Variants in DSP observed in about 807,000 individuals in gnomAD.
DSP encodes 250/210 kDa paraneoplastic pemphigus antigen.
A neutral mutation model predicts 290.6 loss-of-function variants in DSP; 114 were observed. The observed-to-expected ratio is 0.39, with a 90% confidence interval of 0.34 to 0.46. The LOEUF (loss-of-function observed/expected upper bound fraction) is 0.46, where lower values mean the gene tolerates loss of function less well. Among genes scored for constraint, DSP ranks in the 20% least tolerant of loss-of-function variants. The pLI is 0.99. For synonymous variants in DSP, 1,311 were observed against 1,316.4 expected, an observed-to-expected ratio of 1.00 and a Z score of 0.09; for missense variants, 3,230 against 3,495.8, an observed-to-expected ratio of 0.92 and a Z score of 1.92.
At position 7,562,740 on chromosome 6, in the gene DSP, G is replaced by A. The variant is rs546805348; in HGVS notation, c.686G>A (p.Gly229Asp). 4 of 1,614,140 alleles carry A rather than the reference G, an allele frequency of 2.5e-6. No individual in the cohort carries two copies. The African/African-American group carries it at 5.3e-5, about 22-fold the overall frequency. The change falls in exon 5 of 24, where the codon GGC becomes GAC. Residue 229 changes from glycine to aspartate, a missense_variant. By Grantham distance (94) the Gly-to-Asp change is moderately conservative. Transcript: ENST00000379802. ...NSHRGIHNSIGDYRWQLDKIK... is the reference protein window; with the variant it reads ...NSHRGIHNSIDDYRWQLDKIK... ...CACCGGGGCATCCACAACTCCATCG[G>A]CGACTATCGCTGGCAGCTGGACAAA...
rs1468028182 is a variant in DSP, at chr6:7,567,792, G to A, written c.1152G>A (p.Glu384=). 6.2e-7 allele frequency: 1 copy of A among 1,613,986 alleles called. No individual in the cohort carries two copies. The highest frequency in any genetic ancestry group is 1.7e-5 in the Admixed American group (1 of 60,022). Residue 384 remains glutamate, a synonymous_variant, in exon 10 of 24, where the codon GAG becomes GAA. Transcript: ENST00000379802. ...CTCATCCTTCACAGTTTTTTGAAGA[G>A]GCGCAGTCTACTGAAGCATACCTGA... ...ENAAYFQFFE[E]AQSTEAYLKG... is the part of the protein sequence containing the mutation.
intron 1 of DSP, 83 bp downstream of exon 1, chr6:7,542,168 G>A: frequency 6.6e-7 from 1 of 1,514,510 alleles, no homozygotes. Flanking sequence ...TGGGAGACTC[G>A]GGTCCCGAAG....
chr6:7,558,011 C>G lies in DSP; in HGVS notation c.274-105C>G, dbSNP rs556332465. 12 of 1,380,488 alleles carry G rather than the reference C, an allele frequency of 8.7e-6. 1 individual carries two copies. In the South Asian group the frequency reaches 1.4e-4, roughly 16 times the overall value. The allele number at this position is 1,380,488 out of a possible 1,614,324, so 85.5% of individuals were successfully genotyped here. On this transcript the variant is annotated intron_variant, in intron 2 of 23. Coordinates refer to ENST00000379802, the MANE Select transcript of DSP (RefSeq NM_004415.4). ...AGATCATTTTCACTGGCGAAACTTA[C>G]AGTTTTTGTCATGTTTACAGTGGAA...
At chr6:7,552,154 T>C (rs555024398) in intron 1 of DSP, among the ~76,000 whole-genome samples, 1 of 152,346 alleles carries the variant, frequency 6.6e-6, no homozygotes, top group African/African-American at 2.4e-5. Context: ...CTTTTTATTT[T>C]TTCAACCCTT....
intron 2 of DSP, among the ~76,000 whole-genome samples, chr6:7,556,913 TACAC>T (rs140288085): frequency 1.3e-5 from 2 of 152,056 alleles, no homozygotes; most frequent in African/African-American, 4.8e-5. Flanking sequence ...ATAGTGAACA[TACAC>T]ACACACACGT....
Position 7,575,465 on chromosome 6 carries a change from G to C in DSP, c.2607G>C (p.Arg869Ser), listed in dbSNP as rs762528339. 6.8e-6 allele frequency: 11 copies of C among 1,614,172 alleles called. No homozygotes were observed. The highest frequency in any genetic ancestry group is 9.3e-6 in the Non-Finnish European group (11 of 1,180,022). ...KVTQLTDRWQRIDKQIDFRLW... is the reference protein window; with the variant it reads ...KVTQLTDRWQSIDKQIDFRLW... ...CACAGCTGACAGACCGCTGGCAAAG[G>C]ATAGATAAACAGATCGACTTTAGGT... The change falls in exon 18 of 24, where the codon AGG becomes AGC. Residue 869 changes from arginine to serine, a missense_variant. Physicochemically the swap from Arg to Ser is moderately radical, Grantham distance 110 (BLOSUM62 -1). Coordinates refer to ENST00000379802, the MANE Select transcript of DSP (RefSeq NM_004415.4).
Position 7,583,827 on chromosome 6 carries a change from C to T in DSP, c.6565C>T (p.Arg2189Trp), listed in dbSNP as rs767661570. 3.9e-5 allele frequency: 63 copies of T among 1,613,958 alleles called. No individual in the cohort carries two copies. The highest frequency in any genetic ancestry group is 4.5e-5 in the Non-Finnish European group (53 of 1,180,014). ...KKVSYVQLKE[R>W]CRIEPHTGLL... The stretch of plus-strand genomic sequence containing the variant: ...GGTCAGTTACGTGCAGCTGAAGGAA[C>T]GGTGCAGAATCGAACCACATACTGG... The change falls in exon 24 of 24, where the codon CGG becomes TGG. Residue 2189 changes from arginine to tryptophan, a missense_variant. Arg to Trp is a moderately radical substitution (Grantham distance 101). Transcript: ENST00000379802. This position sits in a 1 kb window ranked among gnomAD's most constrained non-coding sequence, Gnocchi z 4.0.
chr6:7,548,934 A>G (rs1047730671), intron 1 of DSP, among the ~76,000 whole-genome samples: 1 of 152,182 alleles, frequency 6.6e-6, no homozygotes. Context: ...TTATGTTGTT[A>G]GGTTAAGTGT....
chr6:7,585,703 C>T lies in DSP; in HGVS notation c.8441C>T (p.Pro2814Leu), dbSNP rs756310918. 6.2e-7 allele frequency: 1 copy of T among 1,613,964 alleles called. No individual in the cohort carries two copies. Among genetic ancestry groups the T allele is most frequent in the Non-Finnish European group, 8.5e-7 (1 of 1,179,932 alleles). ...EAASVSSKGL[P>L]SPYNMSSAPG... ...GCCTCCGTGTCGTCCAAGGGCTTAC[C>T]CAGCCCTTACAACATGTCTTCGGCT... Residue 2814 changes from proline to leucine, a missense_variant, in exon 24 of 24, where the codon CCC becomes CTC. Physicochemically the swap from Pro to Leu is moderately conservative, Grantham distance 98 (BLOSUM62 -3). Transcript: ENST00000379802.
rs1445891314 is a variant in DSP at position 7,585,948 on chromosome 6, A to G, written c.*70A>G. The G allele has an allele frequency of 1.3e-6, 2 of 1,492,162 alleles. No individual in the cohort carries two copies. The highest frequency in any genetic ancestry group is 2.8e-5 in the African/African-American group (2 of 72,402). 92.4% of individuals were successfully genotyped at this position (1,492,162 alleles called of 1,614,324 possible). On this transcript the variant is annotated 3_prime_UTR_variant, in exon 24 of 24. Coordinates refer to ENST00000379802, the MANE Select transcript of DSP (RefSeq NM_004415.4). ...AATTTCCACTTTATTAAATAATAGA[A>G]AAGAAAATCCCGGTGCTTGCAGTAG...
At chr6:7,555,921 T>C (rs1758495513) in intron 2 of DSP, 101 bp downstream of exon 2, 5 of 988,994 alleles carry the variant, frequency 5.1e-6, no homozygotes. Flanking sequence ...CTGACCTCTT[T>C]CACGTAGTGT....
chr6:7,580,181 A>G lies in DSP; in HGVS notation c.3991A>G (p.Lys1331Glu). 1 of 1,614,112 alleles carries G rather than the reference A, an allele frequency of 6.2e-7. No individual in the cohort carries two copies. Among genetic ancestry groups the G allele is most frequent in the Non-Finnish European group, 8.5e-7 (1 of 1,180,008 alleles). The change falls in exon 23 of 24, where the codon AAA becomes GAA. Residue 1331 changes from lysine to glutamate, a missense_variant. Transcript: ENST00000379802. The surrounding 1 kb of genome is among the most constrained non-coding windows in gnomAD (Gnocchi z 4.2). ...CAAAAATAAGGAGATCGAGAGACTC[A>G]AAGCTGAGTTTCAGGAGGAGGCCAA... ...QDKNKEIERL[K>E]AEFQEEAKRR...
chr6:7,543,353 C>CATTT (rs1260787758), intron 1 of DSP, among the ~76,000 whole-genome samples: 2 of 140,902 alleles, frequency 1.4e-5, no homozygotes, highest in African/African-American at 2.6e-5. Context: ...TGCTTAGATT[C>CATTT]ATTTATTTAT....
chr6:7,573,960 T>G (rs891494615), intron 15 of DSP, 126 bp from the exon 16 acceptor site: 44 of 1,041,800 alleles, frequency 4.2e-5, no homozygotes, highest in Non-Finnish European at 5.7e-5. Context: ...ATGTGTTAAT[T>G]TACTTACCTG....
intron 1 of DSP, among the ~76,000 whole-genome samples, chr6:7,543,353 C>T (rs1486208908): frequency 7.1e-6 from 1 of 140,900 alleles, no homozygotes; most frequent in Non-Finnish European, 1.5e-5. Context: ...TGCTTAGATT[C>T]ATTTATTTAT....
intron 4 of DSP, among the ~76,000 whole-genome samples, chr6:7,561,056 A>G (rs1024895838): frequency 1.3e-5 from 2 of 151,850 alleles, no homozygotes; most frequent in Non-Finnish European, 1.5e-5. Flanking sequence ...GGTTCAAGCA[A>G]TTCTCCTGCT....
rs200020510 is a variant in DSP at position 7,586,054 on chromosome 6, T to C, written c.*176T>C. On this transcript the variant is annotated 3_prime_UTR_variant, in exon 24 of 24. Coordinates refer to ENST00000379802, the MANE Select transcript of DSP (RefSeq NM_004415.4). ...TAAAGGCTGTTCTGGCTTTTTATCT[T>C]CTTAGCTCATCTTAAATAAGCAGTA... 33 of 665,906 alleles carry C rather than the reference T, an allele frequency of 5.0e-5. No homozygotes were observed. The East Asian group carries it at 6.0e-4, about 12-fold the overall frequency. The allele number at this position is 665,906 out of a possible 1,614,324, so 41.2% of individuals were successfully genotyped here.
Position 7,585,324 on chromosome 6 carries a change from C to G in DSP, c.8062C>G (p.Leu2688Val), listed in dbSNP as rs764149341. The G allele has an allele frequency of 2.5e-6, 4 of 1,614,144 alleles. No homozygotes were observed. Among genetic ancestry groups the G allele is most frequent in the Non-Finnish European group, 3.4e-6 (4 of 1,180,036 alleles). Residue 2688 changes from leucine to valine, a missense_variant, in exon 24 of 24, where the codon CTG becomes GTG. Coordinates refer to ENST00000379802, the MANE Select transcript of DSP (RefSeq NM_004415.4). ...GATTGACCAAGACATGGCCACCAGG[C>G]TGAAGCCTGCTCAGAAAGCCTTCAT... ...GVIDQDMATR[L>V]KPAQKAFIGF...
rs1758494814 is a variant in DSP at position 7,555,891 on chromosome 6, T to G, written c.273+71T>G. On this transcript the variant is annotated intron_variant, in intron 2 of 23. Transcript: ENST00000379802. Reference sequence around the variant, plus strand: ...ACCCGACTGTCCTCTGGTTAGCTTCTGCTGGCCGGGGCCTATTCACTGACC... The same window carrying G: ...ACCCGACTGTCCTCTGGTTAGCTTCGGCTGGCCGGGGCCTATTCACTGACC... The G allele has an allele frequency of 9.1e-6, 13 of 1,432,520 alleles. No individual in the cohort carries two copies. The East Asian group carries it at 3.1e-4, about 35-fold the overall frequency. 88.7% of individuals were successfully genotyped at this position (1,432,520 alleles called of 1,614,324 possible).
Sources: allele counts gnomAD v4.1 joint callset (sites outside exome capture counted in the v4.1 genomes callset), GRCh38; gene constraint gnomAD v4.1.1; non-coding constraint Gnocchi (gnomAD v3.1); transcripts MANE v1.5; gene names NCBI Gene and HGNC (gene_info 2026-07-23, HGNC 2026-07-21).